Variants in MALRD1 observed in about 807,000 individuals in gnomAD.
The protein encoded by MALRD1 is MAM and LDL receptor class A domain containing 1.
Under a neutral mutation model 242.1 loss-of-function variants are expected in MALRD1, and 247 were observed. The ratio of observed to expected loss-of-function variants is 1.02; its 90% CI spans 0.92 to 1.13. The LOEUF is 1.13. MALRD1 is among the 50% of genes most tolerant of loss of function. The pLI is 0.00. For missense variants in MALRD1, 2,989 were observed against 2,533.1 expected (o/e 1.18, Z -3.86); for synonymous variants, 995 against 866.6 (o/e 1.15, Z -2.60).
At chr10:19,412,127 T>C (rs4576721) in intron 28 of MALRD1, among the ~76,000 whole-genome samples, 133,398 of 152,120 alleles carry the variant, frequency 0.88, 58,903 homozygotes, top group African/African-American at 0.94. Flanking sequence ...GGTGAAACCC[T>C]GTCTCTACTA....
intron 32 of MALRD1, among the ~76,000 whole-genome samples, chr10:19,538,165 T>A (rs757685515): frequency 1.4e-4 from 21 of 152,194 alleles, no homozygotes; most frequent in Non-Finnish European, 1.2e-4. Flanking sequence ...TGTTTTAGGA[T>A]AAAAAGCCAA....
intron 21 of MALRD1, among the ~76,000 whole-genome samples, chr10:19,302,474 T>C (rs559648764): frequency 5.3e-4 from 80 of 151,954 alleles, no homozygotes; most frequent in South Asian, 4.8e-3. Flanking sequence ...GACGGACCGT[T>C]GTGTGCTACA....
intron 30 of MALRD1, among the ~76,000 whole-genome samples, chr10:19,496,140 C>G (rs1837710994): frequency 6.6e-6 from 1 of 152,154 alleles, no homozygotes; most frequent in African/African-American, 2.4e-5. Flanking sequence ...CAACACCCCA[C>G]TGACAGTATT....
chr10:19,069,793 G>T (rs537770662), intron 2 of MALRD1, among the ~76,000 whole-genome samples: 1 of 148,614 alleles, frequency 6.7e-6, no homozygotes. Flanking sequence ...TTGTTTTGAT[G>T]CTTTCAAAAT....
chr10:19,523,190 T>TA (rs1833955228), intron 31 of MALRD1, among the ~76,000 whole-genome samples: 4 of 152,186 alleles, frequency 2.6e-5, no homozygotes. Flanking sequence ...GTCACATACC[T>TA]AATAAGTGGT....
intron 36 of MALRD1, among the ~76,000 whole-genome samples, chr10:19,663,304 A>G (rs1205228421): frequency 6.6e-6 from 1 of 152,090 alleles, no homozygotes; most frequent in African/African-American, 2.4e-5. Flanking sequence ...CAGTCATTTC[A>G]CTTAGTATAA....
chr10:19,483,152 T>A, intron 29 of MALRD1, among the ~76,000 whole-genome samples: 1 of 151,168 alleles, frequency 6.6e-6, no homozygotes, highest in Non-Finnish European at 1.5e-5. Context: ...TTACAAAAAT[T>A]AACTCAAAAT....
At chr10:19,672,309 A>G (rs1354458648) in intron 36 of MALRD1, among the ~76,000 whole-genome samples, 2 of 151,532 alleles carry the variant, frequency 1.3e-5, no homozygotes, top group African/African-American at 4.9e-5. Flanking sequence ...CCAGCTCTTT[A>G]GACTCTTTTA....
In MALRD1 at chr10:19,127,473, G is replaced by A. The variant is rs1342943236; in HGVS notation, c.944-748G>A. Among the ~76,000 whole-genome samples the A allele has an allele frequency of 2.6e-5, 4 of 152,042 alleles. No individual in the cohort carries two copies. The East Asian group carries it at 7.7e-4, about 29-fold the overall frequency. ...GTTTTTGTCTTTCTTGTTGTATTTG[G>A]GTTTCCTTAGAGACTTCTTTTTAAA... On this transcript the variant is annotated intron_variant, in intron 7 of 39. Coordinates refer to ENST00000454679, the MANE Select transcript of MALRD1 (RefSeq NM_001142308.3).
intron 5 of MALRD1, among the ~76,000 whole-genome samples, chr10:19,115,411 C>T (rs781276974): frequency 2.6e-5 from 4 of 151,326 alleles, no homozygotes; most frequent in Non-Finnish European, 4.4e-5. Flanking sequence ...ATATGTACCC[C>T]GAAGTTAAAA....
At chr10:19,334,585 TTATAGA>T (rs1344446352) in intron 24 of MALRD1, among the ~76,000 whole-genome samples, 6 of 152,182 alleles carry the variant, frequency 3.9e-5, no homozygotes, top group Admixed American at 6.6e-5. Context: ...TTCTTTACAG[TTATAGA>T]TATAGATGTC....
chr10:19,539,558 A>G (rs1446896751), intron 32 of MALRD1, among the ~76,000 whole-genome samples: 1 of 152,124 alleles, frequency 6.6e-6, no homozygotes, highest in Non-Finnish European at 1.5e-5. Flanking sequence ...TGGTTACTTA[A>G]ATAGTTAGAT....
chr10:19,299,843 A>C (rs1329311609), intron 21 of MALRD1, among the ~76,000 whole-genome samples: 1 of 151,924 alleles, frequency 6.6e-6, no homozygotes, highest in East Asian at 1.9e-4. Flanking sequence ...ACTCCTATTC[A>C]ACATAGCTCT....
rs71491159 is a variant in MALRD1, at chr10:19,315,184, A to G, written c.3420-8765A>G. Reference sequence around the variant, plus strand: ...ATGTAAATATAATTTATATAAATATATAAATATAATTTATAGAAATATAAT... The same window carrying G: ...ATGTAAATATAATTTATATAAATATGTAAATATAATTTATAGAAATATAAT... On this transcript the variant is annotated intron_variant, in intron 21 of 39. Coordinates refer to ENST00000454679, the MANE Select transcript of MALRD1 (RefSeq NM_001142308.3). Among the ~76,000 whole-genome samples, 1,156 of 117,320 alleles carry G rather than the reference A, an allele frequency of 9.9e-3. 22 individuals are homozygous for G. The highest frequency in any genetic ancestry group is 0.03 in the African/African-American group (806 of 26,952). 77.0% of individuals were successfully genotyped at this position (117,320 alleles called of 152,430 possible). A position where few individuals can be genotyped will look rare whatever the true frequency, so the allele number is the denominator to read the frequency against.
chr10:19,060,585 A>G (rs1222551443), intron 1 of MALRD1, among the ~76,000 whole-genome samples: 1 of 152,064 alleles, frequency 6.6e-6, no homozygotes, highest in Non-Finnish European at 1.5e-5. Context: ...TTCTAATTCT[A>G]TGGAGTTAAG....
intron 36 of MALRD1, among the ~76,000 whole-genome samples, chr10:19,654,293 GT>G (rs34487676): frequency 0.097 from 14,789 of 151,822 alleles, 1,802 homozygotes; most frequent in African/African-American, 0.28. Context: ...AAAAAGTGGG[GT>G]TTTTTTTAGC....
chr10:19,146,459 G>A, intron 11 of MALRD1, 115 bp downstream of exon 11: 1 of 959,390 alleles, frequency 1.0e-6, no homozygotes, highest in Non-Finnish European at 1.3e-6. Context: ...ACTCTGGTTT[G>A]TCTTGCTTTA....
intron 36 of MALRD1, among the ~76,000 whole-genome samples, chr10:19,670,140 C>G (rs1366857279): frequency 6.6e-6 from 1 of 152,018 alleles, no homozygotes; most frequent in African/African-American, 2.4e-5. Context: ...GCATTCAGCA[C>G]TGCCTTAAAG....
At chr10:19,599,904 C>G (rs1390754107) in intron 34 of MALRD1, among the ~76,000 whole-genome samples, 1 of 152,110 alleles carries the variant, frequency 6.6e-6, no homozygotes, top group African/African-American at 2.4e-5. Context: ...CAAATCCAAT[C>G]GTACACCAGA....
Sources: gnomAD v4.1 joint callset for allele counts (sites outside exome capture counted in the v4.1 genomes callset) on GRCh38, gnomAD v4.1.1 for gene constraint, MANE v1.5 for transcripts, NCBI Gene and HGNC (gene_info 2026-07-23, HGNC 2026-07-21) for gene names.